Variants in OPRL1 observed in about 807,000 individuals in gnomAD.
The protein encoded by OPRL1 is nociceptin receptor.
A neutral mutation model predicts 15.5 loss-of-function variants in OPRL1; 5 were observed. The ratio of observed to expected loss-of-function variants is 0.32; its 90% CI spans 0.17 to 0.68. The LOEUF (loss-of-function observed/expected upper bound fraction) is 0.68. OPRL1 is among the 30% of genes least tolerant of loss of function. The pLI, the probability that OPRL1 is intolerant of heterozygous loss-of-function variation, is 0.72. For missense variants in OPRL1, 406 were observed against 515.3 expected, an observed-to-expected ratio of 0.79 and a Z score of 2.05; for synonymous variants, 223 against 230.2, an observed-to-expected ratio of 0.97 and a Z score of 0.28.
chr20:64,098,234 A>T (rs754701279), intron 4 of OPRL1, 42 bp from the exon 5 acceptor site: 1 of 1,602,382 alleles, frequency 6.2e-7, no homozygotes, highest in East Asian at 2.2e-5. Context: ...CGTGCCCTCC[A>T]CGTCTCCTGG....
At chr20:64,084,451 A>T in intron 1 of OPRL1, 1 of 1,111,272 alleles carries the variant, frequency 9.0e-7, no homozygotes. Flanking sequence ...TCAGTCCTGC[A>T]GTCAACTAGG....
intron 1 of OPRL1, among the ~76,000 whole-genome samples, chr20:64,088,892 AGT>A (rs2060090917): frequency 4.5e-4 from 9 of 20,116 alleles, no homozygotes; most frequent in East Asian, 1.2e-3. Flanking sequence ...GTCTGTGCAG[AGT>A]GGCCAGGGTC....
intron 1 of OPRL1, chr20:64,084,260 CG>C: frequency 7.4e-7 from 1 of 1,344,082 alleles, no homozygotes; most frequent in Non-Finnish European, 9.5e-7. Context: ...CCGTCGGTGC[CG>C]GGGCTGGCAC....
At position 64,097,352 on chromosome 20, in the gene OPRL1, G is replaced by C. The variant is rs886203039; in HGVS notation, c.234-450G>C. Among the ~76,000 whole-genome samples the C allele has an allele frequency of 1.3e-4, 20 of 152,036 alleles. No individual in the cohort carries two copies. The highest frequency in any genetic ancestry group is 1.2e-3 in the Admixed American group (19 of 15,276). ...TTTTGATATGTTCTTACAGATTCTG[G>C]AGCCCTCAGAAACCTCTGGCAACTG... On this transcript the variant is annotated intron_variant, in intron 3 of 4. Transcript: ENST00000336866. This position sits in a 1 kb window ranked among gnomAD's most constrained non-coding sequence, Gnocchi z 4.2.
Position 64,092,847 on chromosome 20 carries a change from G to T in OPRL1, c.127G>T (p.Gly43Cys). The T allele has an allele frequency of 2.5e-6, 4 of 1,612,708 alleles. No individual in the cohort carries two copies. The highest frequency in any genetic ancestry group is 3.4e-6 in the Non-Finnish European group (4 of 1,179,918). Residue 43 changes from glycine (G) to cysteine (C), a missense_variant, in exon 3 of 5, where the codon GGC becomes TGC. By Grantham distance (159) the Gly-to-Cys change is radical. Coordinates refer to ENST00000336866, the MANE Select transcript of OPRL1 (RefSeq NM_182647.4). ...GCATCTGCTGCTCAATGCCAGCCAC[G>T]GCGCCTTCCTGCCCCTCGGGCTCAA... ...PPHLLLNASH[G>C]AFLPLGLKVT...
chr20:64,097,682 T>G lies in OPRL1; in HGVS notation c.234-120T>G. 1.2e-6 allele frequency: 1 copy of G among 842,642 alleles called. No homozygotes were observed. The highest frequency in any genetic ancestry group is 1.9e-6 in the Non-Finnish European group (1 of 521,116). 52.2% of individuals were successfully genotyped at this position (842,642 alleles called of 1,614,324 possible). A position where few individuals can be genotyped will look rare whatever the true frequency, so the allele number is the denominator to read the frequency against. Reference sequence around the variant, plus strand: ...ACTTACCAAGCCCCCATGGGAACTCTGATGTTAAGGGACTCAGGGCCACTG... The same window carrying G: ...ACTTACCAAGCCCCCATGGGAACTCGGATGTTAAGGGACTCAGGGCCACTG... On this transcript the variant is annotated intron_variant, in intron 3 of 4. Coordinates refer to ENST00000336866, the MANE Select transcript of OPRL1 (RefSeq NM_182647.4). This position sits in a 1 kb window ranked among gnomAD's most constrained non-coding sequence, Gnocchi z 4.2.
At chr20:64,091,767 C>G (rs537228392) in intron 1 of OPRL1, among the ~76,000 whole-genome samples, 199 bp from the exon 2 acceptor site, 1 of 151,832 alleles carries the variant, frequency 6.6e-6, no homozygotes, top group Non-Finnish European at 1.5e-5. Context: ...CTGGCCTGTG[C>G]GTGTGTGTCT....
rs750859329 is a variant in OPRL1 at position 64,097,842 on chromosome 20, A to AATT, written c.275_276insTTA (p.Asn92_Leu93insTyr). 4 of 1,613,548 alleles carry AATT rather than the reference A, an allele frequency of 2.5e-6. No individual in the cohort carries two copies. Among genetic ancestry groups the AATT allele is most frequent in the Non-Finnish European group, 2.5e-6 (3 of 1,179,972 alleles). ...GACAGCCACCAATATTTACATCTTT[A>AATT]ACCTGGCCCTGGCCGACACTCTGGT... On this transcript the variant is annotated inframe_insertion, in exon 4 of 5. Coordinates refer to ENST00000336866, the MANE Select transcript of OPRL1 (RefSeq NM_182647.4). The surrounding 1 kb of genome is among the most constrained non-coding windows in gnomAD (Gnocchi z 4.2).
Position 64,098,954 on chromosome 20 carries a change from T to C in OPRL1, c.*155T>C. 9.4e-7 allele frequency: 1 copy of C among 1,063,276 alleles called. No homozygotes were observed. The highest frequency in any genetic ancestry group is 2.6e-5 in the East Asian group (1 of 38,408). 65.9% of individuals were successfully genotyped at this position (1,063,276 alleles called of 1,614,324 possible). A position where few individuals can be genotyped will look rare whatever the true frequency, so the allele number is the denominator to read the frequency against. On this transcript the variant is annotated 3_prime_UTR_variant, in exon 5 of 5. Transcript: ENST00000336866. ...GCTTTTCCCTGTGGGCCAGGGATGC[T>C]CGGTCCCAGAGGAGGACCTAGTGAC...
intron 1 of OPRL1, chr20:64,085,099 C>T (rs906420098): frequency 2.6e-5 from 4 of 152,266 alleles, no homozygotes; most frequent in African/African-American, 4.8e-5. Flanking sequence ...ACGCGCCCCT[C>T]ATAGGGGTCA....
chr20:64,098,040 G>A lies in OPRL1; in HGVS notation c.472G>A (p.Ala158Thr). 6.2e-7 allele frequency: 1 copy of A among 1,613,436 alleles called. No homozygotes were observed. Among genetic ancestry groups the A allele is most frequent in the Non-Finnish European group, 8.5e-7 (1 of 1,180,014 alleles). Reference sequence around the variant, plus strand: ...TGTAGCCATCTGCCACCCCATCCGTGCCCTCGACGTCCGCACGTCCAGCAA... The same window carrying A: ...TGTAGCCATCTGCCACCCCATCCGTACCCTCGACGTCCGCACGTCCAGCAA... ...RYVAICHPIR[A>T]LDVRTSSKAQ... is the part of the protein sequence containing the mutation. Residue 158 changes from alanine to threonine, a missense_variant, in exon 4 of 5, where the codon GCC (alanine) becomes ACC (threonine). Coordinates refer to ENST00000336866, the MANE Select transcript of OPRL1 (RefSeq NM_182647.4).
At chr20:64,087,150 C>A (rs1284143339) in intron 1 of OPRL1, among the ~76,000 whole-genome samples, 2 of 148,688 alleles carry the variant, frequency 1.3e-5, no homozygotes, top group African/African-American at 5.0e-5. Flanking sequence ...TTGGGCTATC[C>A]CTAGTATCCT....
In OPRL1 at chr20:64,083,520, G is replaced by A. The variant is rs762691923; in HGVS notation, c.-185+3168G>A. The A allele has an allele frequency of 6.4e-7, 1 of 1,572,220 alleles. No homozygotes were observed. ...CTGCCGGGGAGAGAGGCTGGGGTCC[G>A]GCGTGTGCGGAGGCGGGCAGGGCCC... On this transcript the variant is annotated intron_variant, in intron 1 of 4. Coordinates refer to ENST00000336866, the MANE Select transcript of OPRL1 (RefSeq NM_182647.4). This position sits in a 1 kb window ranked among gnomAD's most constrained non-coding sequence, Gnocchi z 4.9.
intron 1 of OPRL1, among the ~76,000 whole-genome samples, chr20:64,081,249 C>G (rs943650551): frequency 1.3e-5 from 2 of 152,204 alleles, no homozygotes; most frequent in Admixed American, 6.5e-5. Flanking sequence ...CAAGGAAAGG[C>G]AGGGGCCAGG....
chr20:64,092,683 C>T lies in OPRL1; in HGVS notation c.-33-5C>T, dbSNP rs763834748. On this transcript the variant is annotated splice_region_variant and splice_polypyrimidine_tract_variant and intron_variant, in intron 2 of 4. Coordinates refer to ENST00000336866, the MANE Select transcript of OPRL1 (RefSeq NM_182647.4). Reference sequence around the variant, plus strand: ...GCAGCCACTTGTCTCTGCGCTCTGTCCCAGGTACCGTACAGAGTGGATTTG... The same window carrying T: ...GCAGCCACTTGTCTCTGCGCTCTGTTCCAGGTACCGTACAGAGTGGATTTG... 35 of 1,581,532 alleles carry T rather than the reference C, an allele frequency of 2.2e-5. No individual in the cohort carries two copies. The highest frequency in any genetic ancestry group is 2.8e-5 in the Non-Finnish European group (32 of 1,155,954).
Position 64,083,986 on chromosome 20 carries a change from G to A in OPRL1, c.-185+3634G>A. 2 of 1,480,066 alleles carry A rather than the reference G, an allele frequency of 1.4e-6. No homozygotes were observed. Among genetic ancestry groups the A allele is most frequent in the Middle Eastern group, 2.2e-4 (1 of 4,530 alleles). 91.7% of individuals were successfully genotyped at this position (1,480,066 alleles called of 1,614,324 possible). ...CCGGTTCCACCGACCCGCACGGGAAGGTGGAGGCCGCCGCGCCCACGTCCT... is the reference window on the plus strand; with the variant it reads ...CCGGTTCCACCGACCCGCACGGGAAAGTGGAGGCCGCCGCGCCCACGTCCT... On this transcript the variant is annotated intron_variant, in intron 1 of 4. Transcript: ENST00000336866. The surrounding 1 kb of genome is among the most constrained non-coding windows in gnomAD (Gnocchi z 4.9).
At chr20:64,092,520 T>C (rs2060130000) in intron 2 of OPRL1, among the ~76,000 whole-genome samples, 168 bp from the exon 3 acceptor site, 1 of 152,192 alleles carries the variant, frequency 6.6e-6, no homozygotes, top group African/African-American at 2.4e-5. Flanking sequence ...TGTCCCTGCA[T>C]GTGCATGTGT....
At chr20:64,084,896 C>T (rs919662329) in intron 1 of OPRL1, 9 of 152,372 alleles carry the variant, frequency 5.9e-5, no homozygotes, top group African/African-American at 2.2e-4. Context: ...CAGCCCCCAC[C>T]TCTTGGTCCC....
intron 1 of OPRL1, chr20:64,084,437 C>G: frequency 1.7e-6 from 2 of 1,204,466 alleles, no homozygotes; most frequent in South Asian, 3.0e-5. Context: ...TCGGCTGATC[C>G]TGCTCAGTCC....
Sources: gnomAD v4.1 joint callset for allele counts (sites outside exome capture counted in the v4.1 genomes callset) on GRCh38, gnomAD v4.1.1 for gene constraint, Gnocchi (gnomAD v3.1) non-coding constraint, MANE v1.5 for transcripts, NCBI Gene and HGNC (gene_info 2026-07-23, HGNC 2026-07-21) for gene names.